The following KIAA1217 variants were observed in gnomAD, a reference collection of about 807,000 sequenced individuals.
KIAA1217 encodes the protein KIAA1217.
KIAA1217 carries 88 observed loss-of-function variants against 163.9 expected under a neutral mutation model. The ratio of observed to expected loss-of-function variants is 0.54; its 90% CI spans 0.45 to 0.64. The LOEUF (loss-of-function observed/expected upper bound fraction) is 0.64. KIAA1217 is among the 30% of genes least tolerant of loss of function. KIAA1217 has a pLI of 0.00. For synonymous variants in KIAA1217, 903 were observed against 923.1 expected, an observed-to-expected ratio of 0.98 and a Z score of 0.39; for missense variants, 2,372 against 2,475.0, an observed-to-expected ratio of 0.96 and a Z score of 0.88.
intron 2 of KIAA1217, among the ~76,000 whole-genome samples, chr10:24,171,051 G>A (rs2065605089): frequency 6.6e-6 from 1 of 152,192 alleles, no homozygotes; most frequent in East Asian, 1.9e-4. Flanking sequence ...ACCCATTGGG[G>A]ACCCCTAAAA....
chr10:24,393,413 G>C (rs1564603361), intron 3 of KIAA1217, among the ~76,000 whole-genome samples: 3 of 152,178 alleles, frequency 2.0e-5, no homozygotes. Flanking sequence ...CTGGAGCAGG[G>C]AGGAGCCAGA....
At chr10:23,757,746 G>A (rs890652936) in intron 1 of KIAA1217, among the ~76,000 whole-genome samples, 4 of 152,086 alleles carry the variant, frequency 2.6e-5, no homozygotes, top group Admixed American at 2.6e-4. Context: ...TTGAACTCCT[G>A]ACCTCAGGTA....
chr10:23,814,655 A>G (rs1554801077), intron 1 of KIAA1217, among the ~76,000 whole-genome samples: 1 of 152,180 alleles, frequency 6.6e-6, no homozygotes, highest in Non-Finnish European at 1.5e-5. Context: ...TTTAAAATTA[A>G]TCCTCCTCAT....
chr10:23,892,872 G>A (rs1841475158), intron 1 of KIAA1217, among the ~76,000 whole-genome samples: 1 of 151,856 alleles, frequency 6.6e-6, no homozygotes. Context: ...TAAAGGAAAT[G>A]GGGTCCCCAT....
At chr10:24,472,660 G>GTATTCATT (rs2063655133) in intron 5 of KIAA1217, among the ~76,000 whole-genome samples, 2 of 152,304 alleles carry the variant, frequency 1.3e-5, no homozygotes, top group East Asian at 3.9e-4. Context: ...TCCATCAGGT[G>GTATTCATT]TATTCATTTC....
intron 2 of KIAA1217, among the ~76,000 whole-genome samples, chr10:24,290,663 G>T (rs2079002518): frequency 6.6e-6 from 1 of 151,350 alleles, no homozygotes; most frequent in South Asian, 2.1e-4. Context: ...GAGTGTAGTG[G>T]TGTGATCTCG....
rs184311193 is a variant in KIAA1217 at position 24,337,994 on chromosome 10, A to T, written c.355-42875A>T. Among the ~76,000 whole-genome samples the T allele has an allele frequency of 2.6e-5, 4 of 152,296 alleles. No homozygotes were observed. The East Asian group carries it at 7.7e-4, about 29-fold the overall frequency. Reference sequence around the variant, plus strand: ...TCCTAGTCATTTTGCCAGTTTCAGCAGTACATGGGACATTGTAATCTCTCA... The same window carrying T: ...TCCTAGTCATTTTGCCAGTTTCAGCTGTACATGGGACATTGTAATCTCTCA... On this transcript the variant is annotated intron_variant, in intron 2 of 20. Coordinates refer to ENST00000376454, the MANE Select transcript of KIAA1217 (RefSeq NM_019590.5).
chr10:23,708,319 G>A (rs764843030), intron 1 of KIAA1217, among the ~76,000 whole-genome samples: 1 of 152,152 alleles, frequency 6.6e-6, no homozygotes, highest in Non-Finnish European at 1.5e-5. Flanking sequence ...TGTGCTCATA[G>A]CCAAACCCTA....
At chr10:24,342,698 G>T (rs908885230) in intron 2 of KIAA1217, among the ~76,000 whole-genome samples, 1 of 122,064 alleles carries the variant, frequency 8.2e-6, no homozygotes, top group African/African-American at 3.2e-5. Context: ...TCACTCTGTC[G>T]CCCAGGCTGG....
At chr10:23,730,168 T>C (rs1838398117) in intron 1 of KIAA1217, among the ~76,000 whole-genome samples, 1 of 152,250 alleles carries the variant, frequency 6.6e-6, no homozygotes, top group Non-Finnish European at 1.5e-5. Flanking sequence ...CCCAAAGTGC[T>C]GGGATTACAG....
rs185813400 is a variant in KIAA1217 at position 24,340,469 on chromosome 10, T to C, written c.355-40400T>C. ...TGATTGTGAGGCCTCCCCAACCACT[T>C]GGAAGTATGAGTCCATTAAACCTTT... On this transcript the variant is annotated intron_variant, in intron 2 of 20. Coordinates refer to ENST00000376454, the MANE Select transcript of KIAA1217 (RefSeq NM_019590.5). 7.2e-5 allele frequency among the ~76,000 whole-genome samples: 11 copies of C among 152,302 alleles called. No individual in the cohort carries two copies. The East Asian group carries it at 2.1e-3, about 29-fold the overall frequency.
At chr10:23,765,472 C>A (rs1834467199) in intron 1 of KIAA1217, among the ~76,000 whole-genome samples, 1 of 152,070 alleles carries the variant, frequency 6.6e-6, no homozygotes, top group African/African-American at 2.4e-5. Flanking sequence ...CACGCCCGGT[C>A]TTTTGTTCTC....
intron 2 of KIAA1217, among the ~76,000 whole-genome samples, chr10:24,369,203 G>C (rs557744876): frequency 2.6e-5 from 4 of 151,870 alleles, no homozygotes; most frequent in East Asian, 1.9e-4. Context: ...GTGTGTGTGT[G>C]TGTGTGTGTG....
chr10:24,082,190 G>A (rs1458769287), intron 2 of KIAA1217, among the ~76,000 whole-genome samples: 1 of 152,084 alleles, frequency 6.6e-6, no homozygotes, highest in East Asian at 1.9e-4. Context: ...TCTTCCCCAG[G>A]ATGCCAGCTG....
chr10:24,407,210 T>C (rs959484467), intron 3 of KIAA1217, among the ~76,000 whole-genome samples: 5 of 152,138 alleles, frequency 3.3e-5, no homozygotes, highest in African/African-American at 4.8e-5. Context: ...TAATCGTTGG[T>C]GATGATAACA....
intron 1 of KIAA1217, among the ~76,000 whole-genome samples, chr10:23,759,565 C>T (rs774831383): frequency 2.6e-5 from 4 of 152,088 alleles, no homozygotes; most frequent in African/African-American, 4.8e-5. Context: ...GGCTCTTTTA[C>T]GATGAGGTAC....
At chr10:24,098,433 G>A (rs929077300) in intron 2 of KIAA1217, among the ~76,000 whole-genome samples, 1 of 152,122 alleles carries the variant, frequency 6.6e-6, no homozygotes, top group Non-Finnish European at 1.5e-5. Context: ...GGACTTTGGG[G>A]ACACTAAAAG....
intron 1 of KIAA1217, among the ~76,000 whole-genome samples, chr10:23,709,792 TAG>T (rs1837131271): frequency 6.6e-6 from 1 of 152,142 alleles, no homozygotes; most frequent in African/African-American, 2.4e-5. Flanking sequence ...ATACAAAGCC[TAG>T]AGAGATGAAG....
chr10:24,065,855 G>A (rs1328817448), intron 2 of KIAA1217, among the ~76,000 whole-genome samples: 1 of 152,176 alleles, frequency 6.6e-6, no homozygotes, highest in East Asian at 1.9e-4. Flanking sequence ...ATTTAGGATA[G>A]TTAGCTCTTC....
Sources: gnomAD v4.1 joint callset for allele counts (sites outside exome capture counted in the v4.1 genomes callset) on GRCh38, gnomAD v4.1.1 for gene constraint, MANE v1.5 for transcripts, NCBI Gene and HGNC (gene_info 2026-07-23, HGNC 2026-07-21) for gene names.